SNX29: variants seen among roughly 807,000 people sequenced by gnomAD.
SNX29 encodes the protein sorting nexin-29.
Under a neutral mutation model 102.1 loss-of-function variants are expected in SNX29, and 78 were observed. The ratio of observed to expected loss-of-function variants is 0.76; its 90% CI spans 0.64 to 0.92. The LOEUF is 0.92. SNX29 is among the 40% of genes least tolerant of loss of function. The pLI is 0.00. For synonymous variants in SNX29, 580 were observed against 414.5 expected (o/e 1.40, Z -4.85); for missense variants, 1,280 against 1,061.7 (o/e 1.21, Z -2.86).
chr16:12,415,113 G>A (rs775157433), intron 18 of SNX29, among the ~76,000 whole-genome samples: 1 of 152,236 alleles, frequency 6.6e-6, no homozygotes, highest in African/African-American at 2.4e-5. Flanking sequence ...CTCCCAGGGA[G>A]GCAAGGCTCC....
At position 12,068,497 on chromosome 16, in the gene SNX29, CAA is replaced by C. The variant is rs150995842; in HGVS notation, c.1244-540_1244-539del. On this transcript the variant is annotated intron_variant, in intron 9 of 20. Transcript: ENST00000566228. ...TGGGTGACACAGTGAGACCCTGTCT[CAA>C]AAAAAAAAAAAAAAAAAAAGTCACA... Among the ~76,000 whole-genome samples the C allele has an allele frequency of 1.1e-3, 95 of 87,448 alleles. 1 individual carries two copies. Among genetic ancestry groups the C allele is most frequent in the East Asian group, 0.011 (29 of 2,680 alleles). The allele number at this position is 87,448 out of a possible 152,430, so 57.4% of individuals were successfully genotyped here. A position where few individuals can be genotyped will look rare whatever the true frequency, so the allele number is the denominator to read the frequency against.
intron 4 of SNX29, among the ~76,000 whole-genome samples, chr16:12,031,043 T>C (rs2057327819): frequency 6.6e-6 from 1 of 151,992 alleles, no homozygotes; most frequent in Non-Finnish European, 1.5e-5. Flanking sequence ...CTTTGCTTGG[T>C]GCCTCTCAGT....
intron 7 of SNX29, among the ~76,000 whole-genome samples, chr16:12,050,722 T>A (rs1184458499): frequency 2.6e-5 from 4 of 152,138 alleles, no homozygotes; most frequent in African/African-American, 9.7e-5. Flanking sequence ...TGCCACTTTT[T>A]TTTTTTGGAG....
intron 13 of SNX29, among the ~76,000 whole-genome samples, chr16:12,156,962 T>G (rs11643843): frequency 0.16 from 24,426 of 152,154 alleles, 2,128 homozygotes; most frequent in East Asian, 0.27. Context: ...TTTAGTCGTG[T>G]TTCTCCTGGG....
At chr16:12,332,883 C>A (rs1351426457) in intron 15 of SNX29, among the ~76,000 whole-genome samples, 1 of 152,048 alleles carries the variant, frequency 6.6e-6, no homozygotes, top group Non-Finnish European at 1.5e-5. Context: ...GTCCTTCAAG[C>A]CTCACCTCCA....
rs534674908 is a variant in SNX29, at chr16:12,052,324, C to T, written c.1124+102C>T. 46 of 1,360,400 alleles carry T rather than the reference C, an allele frequency of 3.4e-5. 1 individual carries two copies. The South Asian group carries it at 5.1e-4, about 15-fold the overall frequency. The allele number at this position is 1,360,400 out of a possible 1,614,324, so 84.3% of individuals were successfully genotyped here. On this transcript the variant is annotated intron_variant, in intron 8 of 20. Coordinates refer to ENST00000566228, the MANE Select transcript of SNX29 (RefSeq NM_032167.5). ...CTCCACCTCCCGGGTTCAAGCTATT[C>T]TCCTGCCTCAGCCTCCCGAGTAGCT...
chr16:12,279,840 G>C (rs145466679), intron 15 of SNX29, among the ~76,000 whole-genome samples: 112 of 152,314 alleles, frequency 7.4e-4, no homozygotes, highest in African/African-American at 1.7e-3. Context: ...AAGGTGAAAG[G>C]GTTCTCAGAA....
chr16:11,984,003 C>T (rs1414339427), intron 1 of SNX29, among the ~76,000 whole-genome samples: 1 of 152,070 alleles, frequency 6.6e-6, no homozygotes, highest in Non-Finnish European at 1.5e-5. Context: ...ATTACTTTTT[C>T]ATGGAGGGGA....
At chr16:12,444,498 G>A (rs1042163714) in intron 18 of SNX29, among the ~76,000 whole-genome samples, 3 of 152,250 alleles carry the variant, frequency 2.0e-5, no homozygotes, top group African/African-American at 7.2e-5. Context: ...ACTGGCCCCA[G>A]ATCCTGGTAC....
chr16:12,450,082 C>G (rs1009546103), intron 18 of SNX29, among the ~76,000 whole-genome samples: 4 of 152,198 alleles, frequency 2.6e-5, no homozygotes, highest in African/African-American at 9.7e-5. Flanking sequence ...CTTGTTCTCT[C>G]TTGCCTGCCA....
At chr16:12,013,674 C>T (rs540201429) in intron 3 of SNX29, among the ~76,000 whole-genome samples, 14 of 148,788 alleles carry the variant, frequency 9.4e-5, no homozygotes, top group Admixed American at 6.8e-4. Flanking sequence ...TGATGGAGTC[C>T]CGCTGTGTTG....
intron 19 of SNX29, among the ~76,000 whole-genome samples, chr16:12,520,193 G>C (rs939892365): frequency 2.0e-5 from 3 of 152,122 alleles, no homozygotes; most frequent in Non-Finnish European, 4.4e-5. Context: ...AAAAGTGCCT[G>C]GGGCAGAGGA....
chr16:12,538,279 C>T (rs986980479), intron 20 of SNX29, among the ~76,000 whole-genome samples: 1 of 152,096 alleles, frequency 6.6e-6, no homozygotes. Context: ...CCACACCTGG[C>T]TAATTTTGTA....
In SNX29 at chr16:12,331,577, G is replaced by A. The variant is rs188378574; in HGVS notation, c.1783-24586G>A. 1.3e-3 allele frequency among the ~76,000 whole-genome samples: 197 copies of A among 152,078 alleles called. 2 individuals are homozygous for A. Among genetic ancestry groups the A allele is most frequent in the Non-Finnish European group, 5.0e-4 (34 of 67,986 alleles). On this transcript the variant is annotated intron_variant, in intron 15 of 20. Coordinates refer to ENST00000566228, the MANE Select transcript of SNX29 (RefSeq NM_032167.5). ...AGAATTTTTTTGTTTTTGAGATGAA[G>A]TCTCACTCTGTTGCCCAGGCTGGAG...
chr16:12,015,222 A>T (rs1030670262), intron 3 of SNX29, among the ~76,000 whole-genome samples: 1 of 151,922 alleles, frequency 6.6e-6, no homozygotes, highest in Non-Finnish European at 1.5e-5. Context: ...GCACTGAAAC[A>T]TTTCCAAGTT....
chr16:12,551,884 C>G (rs765046044), intron 20 of SNX29, among the ~76,000 whole-genome samples: 8 of 152,162 alleles, frequency 5.3e-5, no homozygotes, highest in Admixed American at 1.3e-4. Context: ...AGCCTGTCTG[C>G]TCATCTGTAA....
At chr16:12,051,537 C>G (rs1475581351) in intron 7 of SNX29, among the ~76,000 whole-genome samples, 1 of 152,120 alleles carries the variant, frequency 6.6e-6, no homozygotes, top group Non-Finnish European at 1.5e-5. Flanking sequence ...AGAATATTTT[C>G]CAAAGTGAAG....
At chr16:12,297,525 C>A (rs1466774100) in intron 15 of SNX29, among the ~76,000 whole-genome samples, 3 of 151,950 alleles carry the variant, frequency 2.0e-5, no homozygotes, top group Admixed American at 6.6e-5. Context: ...TTCTCCTGGC[C>A]TCTCCTACTT....
chr16:12,568,209 C>G (rs910736983), intron 20 of SNX29, among the ~76,000 whole-genome samples: 1 of 150,790 alleles, frequency 6.6e-6, no homozygotes, highest in Non-Finnish European at 1.5e-5. Flanking sequence ...GTGCCTAGAA[C>G]ATTCTTTCAT....
Sources: allele counts gnomAD v4.1 joint callset (sites outside exome capture counted in the v4.1 genomes callset), GRCh38; gene constraint gnomAD v4.1.1; transcripts MANE v1.5; gene names NCBI Gene and HGNC (gene_info 2026-07-23, HGNC 2026-07-21).